ENSA: variants seen among roughly 807,000 people sequenced by gnomAD.
ENSA encodes the protein endosulfine alpha.
In ENSA, 7 loss-of-function variants were observed where a neutral mutation model predicts 16.8. The ratio of observed to expected loss-of-function variants is 0.42; its 90% CI spans 0.24 to 0.78. The LOEUF (loss-of-function observed/expected upper bound fraction) is 0.78, where lower values mean the gene tolerates loss of function less well. Ranked by LOEUF, ENSA falls within the 30% of genes least tolerant of loss-of-function variation. The probability of loss-of-function intolerance (pLI) is 0.29; values close to 1 mark genes in which losing one functional copy is unlikely to be tolerated. For synonymous variants in ENSA, 58 were observed against 53.4 expected, an observed-to-expected ratio of 1.09 and a Z score of -0.37; for missense variants, 87 against 142.3, an observed-to-expected ratio of 0.61 and a Z score of 1.98.
chr1:150,629,565 G>C lies in ENSA; in HGVS notation c.-95C>G. The C allele has an allele frequency of 6.7e-7, 1 of 1,487,610 alleles. No individual in the cohort carries two copies. Among genetic ancestry groups the C allele is most frequent in the East Asian group, 2.3e-5 (1 of 43,996 alleles). 92.2% of individuals were successfully genotyped at this position (1,487,610 alleles called of 1,614,324 possible). A position where few individuals can be genotyped will look rare whatever the true frequency, so the allele number is the denominator to read the frequency against. On this transcript the variant is annotated 5_prime_UTR_variant, in exon 1 of 4. Transcript: ENST00000369014. Reference sequence around the variant, plus strand: ...CGGGGACAACCTGCGCTGCTGCTTCGGCTCCTGTCACTAGGGTTGCTCAGT... The same window carrying C: ...CGGGGACAACCTGCGCTGCTGCTTCCGCTCCTGTCACTAGGGTTGCTCAGT...
At chr1:150,625,921 G>A (rs995918920) in intron 2 of ENSA, 113 bp from the exon 3 acceptor site, 7 of 1,442,162 alleles carry the variant, frequency 4.9e-6, no homozygotes, top group Admixed American at 2.8e-5. Context: ...GATCTTTCAA[G>A]AAGTCTTCCT....
chr1:150,622,901 T>C, intron 3 of ENSA, 42 bp from the exon 4 acceptor site: 1 of 1,534,032 alleles, frequency 6.5e-7, no homozygotes, highest in Non-Finnish European at 8.8e-7. Context: ...AACAACACTG[T>C]CAAGTAATAG....
intron 2 of ENSA, 37 bp downstream of exon 2, chr1:150,627,430 G>A (rs587666833): frequency 6.2e-7 from 1 of 1,614,200 alleles, no homozygotes; most frequent in Admixed American, 1.7e-5. Context: ...ACCTCCTTTA[G>A]CTCCAAAGAA....
At chr1:150,626,455 C>A in intron 2 of ENSA, 2 of 1,605,668 alleles carry the variant, frequency 1.2e-6, no homozygotes, top group Non-Finnish European at 1.7e-6. Context: ...TAACTGGGAT[C>A]CTCCACAGGG....
intron 3 of ENSA, 39 bp from the exon 4 acceptor site, chr1:150,622,898 C>A: frequency 1.3e-6 from 2 of 1,526,500 alleles, no homozygotes; most frequent in South Asian, 2.4e-5. Flanking sequence ...AAAAACAACA[C>A]TGTCAAGTAA....
chr1:150,628,860 G>C lies in ENSA; in HGVS notation c.57+554C>G, dbSNP rs1649535469. ...ACTCTAGCCCTCTTCAATATTGCTG[G>C]GTCCTCACTGAAGGTGAGCAATAGA... On this transcript the variant is annotated intron_variant, in intron 1 of 3. Transcript: ENST00000369014. The C allele has an allele frequency of 5.0e-6, 3 of 597,468 alleles. No homozygotes were observed. The African/African-American group carries it at 5.6e-5, about 11-fold the overall frequency. The allele number at this position is 597,468 out of a possible 1,614,324, so 37.0% of individuals were successfully genotyped here.
At chr1:150,623,682 G>C in intron 3 of ENSA, 2 of 984,912 alleles carry the variant, frequency 2.0e-6, no homozygotes, top group Non-Finnish European at 2.4e-6. Context: ...AACATGGCTG[G>C]GACAGTTGAA....
At chr1:150,629,171 G>A in intron 1 of ENSA, 1 of 1,613,478 alleles carries the variant, frequency 6.2e-7, no homozygotes, top group African/African-American at 1.3e-5. Context: ...TTATAGCACA[G>A]CGTCCAAGGT....
intron 3 of ENSA, chr1:150,625,045 A>G: frequency 4.1e-6 from 4 of 985,376 alleles, no homozygotes; most frequent in Non-Finnish European, 4.8e-6. Context: ...ATCAATCTTT[A>G]TATTATTTGA....
rs1649022074 is a variant in ENSA, at chr1:150,622,189, G to A, written c.*655C>T. On this transcript the variant is annotated 3_prime_UTR_variant, in exon 4 of 4. Coordinates refer to ENST00000369014, the MANE Select transcript of ENSA (RefSeq NM_004436.4). ...ATTTCGAATACTGAAAAAGTCCTTT[G>A]GGCTCTGTGGGGTTCCCCACGCTCA... The A allele has an allele frequency of 1.3e-5, 2 of 152,240 alleles. No homozygotes were observed. The highest frequency in any genetic ancestry group is 4.8e-5 in the African/African-American group (2 of 41,526). 9.4% of individuals were successfully genotyped at this position (152,240 alleles called of 1,614,324 possible). A position where few individuals can be genotyped will look rare whatever the true frequency, so the allele number is the denominator to read the frequency against.
At chr1:150,629,165 A>G (rs1483656020) in intron 1 of ENSA, 1 of 1,613,834 alleles carries the variant, frequency 6.2e-7, no homozygotes, top group Non-Finnish European at 8.5e-7. Context: ...GGCCAATTAT[A>G]GCACAGCGTC....
chr1:150,621,706 C>T (rs1439832070), downstream of ENSA: 1 of 152,220 alleles, frequency 6.6e-6, no homozygotes, highest in Non-Finnish European at 1.5e-5. Flanking sequence ...CTGCCTCCTG[C>T]TGGCCACCAG....
At chr1:150,628,618 T>C (rs368319077) in intron 1 of ENSA, among the ~76,000 whole-genome samples, 1 of 152,228 alleles carries the variant, frequency 6.6e-6, no homozygotes. Context: ...CGCATAGATA[T>C]AACACCAAGT....
At chr1:150,624,550 G>C (rs111962711) in intron 3 of ENSA, 10,633 of 985,900 alleles carry the variant, frequency 0.011, 70 homozygotes, top group Middle Eastern at 0.019. Context: ...TCAGAGGCAA[G>C]AAGCTTCCAT....
chr1:150,626,959 G>T, intron 2 of ENSA: 1 of 786,690 alleles, frequency 1.3e-6, no homozygotes, highest in Non-Finnish European at 1.6e-6. Flanking sequence ...CTCTTGGTAA[G>T]GAGGACCACT....
chr1:150,629,065 A>G (rs768393663), intron 1 of ENSA: 2 of 1,614,008 alleles, frequency 1.2e-6, no homozygotes, highest in Non-Finnish European at 8.5e-7. Flanking sequence ...ACTTACCTCT[A>G]CAAACCAATA....
At chr1:150,629,195 C>A in intron 1 of ENSA, 1 of 1,604,734 alleles carries the variant, frequency 6.2e-7, no homozygotes, top group Non-Finnish European at 8.5e-7. Flanking sequence ...AGCGGTAGGC[C>A]TATTGGCCAA....
At position 150,622,700 on chromosome 1, in the gene ENSA, G is replaced by C; in HGVS notation, c.*144C>G. ...GCTCCATGTGCTGGGACACCAACAG[G>C]AAAGGGCTTCTGCCTCTCCAGCCCA... On this transcript the variant is annotated 3_prime_UTR_variant, in exon 4 of 4. Transcript: ENST00000369014. 1.3e-6 allele frequency: 1 copy of C among 762,980 alleles called. No individual in the cohort carries two copies. Among genetic ancestry groups the C allele is most frequent in the South Asian group, 2.5e-5 (1 of 40,114 alleles). The allele number at this position is 762,980 out of a possible 1,614,324, so 47.3% of individuals were successfully genotyped here.
downstream of ENSA, chr1:150,621,980 G>A (rs1317677272): frequency 1.3e-5 from 2 of 152,110 alleles, no homozygotes; most frequent in African/African-American, 4.8e-5. Context: ...ACAAAGGGAT[G>A]GGCAAGGTTT....
Sources: gnomAD v4.1 joint callset for allele counts (sites outside exome capture counted in the v4.1 genomes callset) on GRCh38, gnomAD v4.1.1 for gene constraint, MANE v1.5 for transcripts, NCBI Gene and HGNC (gene_info 2026-07-23, HGNC 2026-07-21) for gene names.